Variants in SLC25A6 observed in about 807,000 individuals in gnomAD.
SLC25A6 encodes ADP/ATP translocase 3.
SLC25A6 carries 9 observed loss-of-function variants against 25.7 expected under a neutral mutation model. That is an observed-to-expected ratio of 0.35 (90% CI 0.21 to 0.61). The LOEUF is 0.61. Ranked by LOEUF, SLC25A6 falls within the 20% of genes least tolerant of loss-of-function variation. The pLI is 0.76. For missense variants in SLC25A6, 404 were observed against 440.5 expected (o/e 0.92, Z 0.74); for synonymous variants, 223 against 197.0 (o/e 1.13, Z -1.11).
At chrX:1,390,538 ACTGCACTCCAGC>A (rs1236674202) in intron 1 of SLC25A6, among the ~76,000 whole-genome samples, 2 of 151,104 alleles carry the variant, frequency 1.3e-5, no homozygotes, top group African/African-American at 4.9e-5. Context: ...AGATCGTGCC[ACTGCACTCCAGC>A]CTGGGCGACA....
At chrX:1,389,129 GA>G in intron 2 of SLC25A6, 111 bp downstream of exon 2, 3 of 1,230,876 alleles carry the variant, frequency 2.4e-6, no homozygotes, top group Non-Finnish European at 3.4e-6. Context: ...GAGGCCGCAG[GA>G]GGAACCAGCC....
intron 2 of SLC25A6, among the ~76,000 whole-genome samples, chrX:1,388,372 C>A (rs1200985089): frequency 6.6e-6 from 1 of 151,698 alleles, no homozygotes; most frequent in Non-Finnish European, 1.5e-5. Flanking sequence ...GACACAGACA[C>A]ACACAGAGGG....
At position 1,391,917 on chromosome X, in the gene SLC25A6, C is replaced by A; in HGVS notation, c.93G>T (p.Arg31=). 1.9e-6 allele frequency: 3 copies of A among 1,607,918 alleles called. No individual in the cohort carries two copies. The highest frequency in any genetic ancestry group is 2.5e-6 in the Non-Finnish European group (3 of 1,178,456). The change falls in exon 1 of 4, where the codon CGG becomes CGT. Residue 31 remains arginine (R), a synonymous_variant. Transcript: ENST00000381401. ...ISKTAVAPIE[R]VKLLLQVQHA... is the part of the protein sequence containing the mutation. ...TCCCCACCTGCAGCAGCAGCTTGACCCGCTCGATCGGAGCCACGGCCGTCT... is the reference window on the plus strand; with the variant it reads ...TCCCCACCTGCAGCAGCAGCTTGACACGCTCGATCGGAGCCACGGCCGTCT...
chrX:1,387,967 G>A (rs1437899993), intron 2 of SLC25A6, among the ~76,000 whole-genome samples: 2 of 151,848 alleles, frequency 1.3e-5, no homozygotes, highest in South Asian at 2.1e-4. Context: ...AAAAAGAGAG[G>A]CCTCAGAAGG....
chrX:1,388,983 G>A (rs1387716758), intron 2 of SLC25A6, among the ~76,000 whole-genome samples: 1 of 150,504 alleles, frequency 6.6e-6, no homozygotes, highest in African/African-American at 2.5e-5. Context: ...TAGTCACCCA[G>A]TCTATGGTAT....
chrX:1,389,547 T>G lies in SLC25A6; in HGVS notation c.292A>C (p.Ile98Leu), dbSNP rs758975226. Residue 98 changes from isoleucine to leucine, a missense_variant, in exon 2 of 4, where the codon ATC becomes CTC. Coordinates refer to ENST00000381401, the MANE Select transcript of SLC25A6 (RefSeq NM_001636.4). ...TGCTTGTCCACGCCCCCCAGGAAGATCTGCTTGTACTTATCCTTGAAGGCG... is the reference window on the plus strand; with the variant it reads ...TGCTTGTCCACGCCCCCCAGGAAGAGCTGCTTGTACTTATCCTTGAAGGCG... ...NFAFKDKYKQIFLGGVDKHTQ... is the reference protein window; with the variant it reads ...NFAFKDKYKQLFLGGVDKHTQ... The G allele has an allele frequency of 6.8e-6, 11 of 1,614,040 alleles. No individual in the cohort carries two copies. In the Admixed American group the frequency reaches 1.8e-4, roughly 27 times the overall value.
rs1164918416 is a variant in SLC25A6, at chrX:1,389,687, T to A, written c.152A>T (p.Tyr51Phe). 3.5e-5 allele frequency: 57 copies of A among 1,613,548 alleles called. No homozygotes were observed. Among genetic ancestry groups the A allele is most frequent in the Non-Finnish European group, 4.7e-5 (55 of 1,179,802 alleles). Residue 51 changes from tyrosine to phenylalanine, a missense_variant, in exon 2 of 4, where the codon TAC (tyrosine) becomes TTC (phenylalanine). By Grantham distance (22) the Tyr-to-Phe change is conservative. Coordinates refer to ENST00000381401, the MANE Select transcript of SLC25A6 (RefSeq NM_001636.4). The stretch of plus-strand genomic sequence containing the variant: ...GACAATGCAGTCCACGATGCCCTTG[T>A]ACTGCTTGTCGGCGGCGATCTGCTT... ...ASKQIAADKQ[Y>F]KGIVDCIVRI...
chrX:1,386,546 A>G lies in SLC25A6; in HGVS notation c.*56T>C, dbSNP rs1364011576. ...GATGGTCCGCACGGTTGAGGATTCT[A>G]CGTGGTTCTCTTGGTTCCCCTGGTG... is the stretch of plus-strand genomic sequence containing the variant. On this transcript the variant is annotated 3_prime_UTR_variant, in exon 4 of 4. Transcript: ENST00000381401. 1.4e-6 allele frequency: 2 copies of G among 1,452,810 alleles called. No individual in the cohort carries two copies. Among genetic ancestry groups the G allele is most frequent in the African/African-American group, 1.5e-5 (1 of 68,260 alleles). 90.0% of individuals were successfully genotyped at this position (1,452,810 alleles called of 1,614,324 possible). A position where few individuals can be genotyped will look rare whatever the true frequency, so the allele number is the denominator to read the frequency against.
chrX:1,391,212 CG>C (rs1569529258), intron 1 of SLC25A6, among the ~76,000 whole-genome samples: 3 of 152,060 alleles, frequency 2.0e-5, no homozygotes, highest in African/African-American at 7.2e-5. Context: ...CAATACTCCC[CG>C]GGCCTCTCAA....
chrX:1,387,512 T>C (rs2089341691), intron 2 of SLC25A6, 93 bp from the exon 3 acceptor site: 1 of 1,543,232 alleles, frequency 6.5e-7, no homozygotes, highest in Admixed American at 1.8e-5. Context: ...CCCCCTGAGG[T>C]GGTGCCGAGC....
chrX:1,391,829 C>G (rs1481271850), intron 1 of SLC25A6, 70 bp downstream of exon 1: 1 of 1,250,504 alleles, frequency 8.0e-7, no homozygotes. Flanking sequence ...CTGCTGCCCA[C>G]GTCCCCGCCC....
chrX:1,387,396 T>C lies in SLC25A6; in HGVS notation c.622A>G (p.Thr208Ala), dbSNP rs749454002. 8.1e-6 allele frequency: 13 copies of C among 1,613,090 alleles called. No homozygotes were observed. The highest frequency in any genetic ancestry group is 1.7e-4 in the Middle Eastern group (1 of 6,004). The stretch of plus-strand genomic sequence containing the variant: ...ATCATCCAGCTCACCACGATGTGCG[T>C]GTTCTTGGGGTCGGGGAGCATGCCT... ...AKGMLPDPKN[T>A]HIVVSWMIAQ... is the part of the protein sequence containing the mutation. Residue 208 changes from threonine to alanine, a missense_variant, in exon 3 of 4, where the codon ACG becomes GCG. Transcript: ENST00000381401.
At position 1,387,370 on chromosome X, in the gene SLC25A6, G is replaced by C. The variant is rs750248666; in HGVS notation, c.648C>G (p.Ile216Met). Residue 216 changes from isoleucine to methionine, a missense_variant, in exon 3 of 4, where the codon ATC (isoleucine) becomes ATG (methionine). Transcript: ENST00000381401. ...KNTHIVVSWM[I>M]AQTVTAVAGV... ...CGGCCACGGCCGTCACGGTCTGCGC[G>C]ATCATCCAGCTCACCACGATGTGCG... 1.1e-5 allele frequency: 18 copies of C among 1,613,328 alleles called. No homozygotes were observed. Among genetic ancestry groups the C allele is most frequent in the Admixed American group, 1.7e-5 (1 of 59,998 alleles).
intron 3 of SLC25A6, among the ~76,000 whole-genome samples, chrX:1,387,075 C>T (rs1365891094): frequency 4.6e-5 from 7 of 152,238 alleles, no homozygotes; most frequent in South Asian, 4.1e-4. Context: ...TAGAAACTGC[C>T]GCCCGGACCA....
At chrX:1,387,212 C>T (rs1370102209) in intron 3 of SLC25A6, 67 bp downstream of exon 3, 8 of 1,582,132 alleles carry the variant, frequency 5.1e-6, no homozygotes, top group Non-Finnish European at 6.0e-6. Context: ...CCTGACCTCC[C>T]ACGGGCCTAG....
At position 1,389,907 on chromosome X, in the gene SLC25A6, A is replaced by G. The variant is rs778880183; in HGVS notation, c.112-180T>C. 6.2e-3 allele frequency among the ~76,000 whole-genome samples: 944 copies of G among 152,042 alleles called. 9 individuals are homozygous for G. The highest frequency in any genetic ancestry group is 0.021 in the African/African-American group (891 of 41,478). ...CGAGTAGCTGGGACTATAGGCGCCC[A>G]CCACCACGCCCGGCTAATTTTTTTG... On this transcript the variant is annotated intron_variant, in intron 1 of 3. Transcript: ENST00000381401.
At chrX:1,391,424 G>C (rs1327520319) in intron 1 of SLC25A6, among the ~76,000 whole-genome samples, 6 of 152,184 alleles carry the variant, frequency 3.9e-5, no homozygotes, top group Admixed American at 6.5e-5. Flanking sequence ...AGCTAAGAAG[G>C]GGGTAAGAAC....
Position 1,387,437 on chromosome X carries a change from G to T in SLC25A6, c.599-18C>A. ...GAGCATGCCTGCGCGGGAACGGCAC[G>T]TCACCGTCTCCAGCGCCTGCACGGC... On this transcript the variant is annotated intron_variant, in intron 2 of 3. Transcript: ENST00000381401. The T allele has an allele frequency of 6.2e-7, 1 of 1,610,300 alleles. No homozygotes were observed. Among genetic ancestry groups the T allele is most frequent in the Non-Finnish European group, 8.5e-7 (1 of 1,179,126 alleles).
intron 2 of SLC25A6, among the ~76,000 whole-genome samples, chrX:1,388,428 A>G (rs1220980289): frequency 1.3e-5 from 2 of 151,494 alleles, no homozygotes; most frequent in South Asian, 2.1e-4. Context: ...CAAGCCCAGG[A>G]GAGAGGCCTC....
Sources: gnomAD v4.1 joint callset for allele counts (sites outside exome capture counted in the v4.1 genomes callset) on GRCh38, gnomAD v4.1.1 for gene constraint, MANE v1.5 for transcripts, NCBI Gene and HGNC (gene_info 2026-07-23, HGNC 2026-07-21) for gene names.